SETD2: variants seen among roughly 807,000 people sequenced by gnomAD.
SETD2 encodes the protein histone-lysine N-methyltransferase SETD2.
Under a neutral mutation model 242.1 loss-of-function variants are expected in SETD2, and 31 were observed. The ratio of observed to expected loss-of-function variants is 0.13; its 90% confidence interval spans 0.10 to 0.17. SETD2 has a LOEUF of 0.17. Among genes scored for constraint, SETD2 ranks in the 10% least tolerant of loss-of-function variants. The pLI is 1.00. For missense variants in SETD2, 2,481 were observed against 3,046.3 expected (o/e 0.81, Z 4.37); for synonymous variants, 1,006 against 1,066.5 (o/e 0.94, Z 1.11).
chr3:47,068,364 A>G (rs1159365492), intron 12 of SETD2, among the ~76,000 whole-genome samples: 1 of 152,222 alleles, frequency 6.6e-6, no homozygotes, highest in African/African-American at 2.4e-5. Flanking sequence ...AGGGAAATCT[A>G]TATAAATGAA....
At chr3:47,147,706 G>A (rs534635758) in intron 1 of SETD2, among the ~76,000 whole-genome samples, 7 of 151,440 alleles carry the variant, frequency 4.6e-5, no homozygotes, top group Non-Finnish European at 1.0e-4. Flanking sequence ...GGCAGATTAC[G>A]GTCAGGAGAT....
At chr3:47,147,960 A>G (rs985164123) in intron 1 of SETD2, among the ~76,000 whole-genome samples, 1 of 151,062 alleles carries the variant, frequency 6.6e-6, no homozygotes, top group Non-Finnish European at 1.5e-5. Flanking sequence ...TTCAGCTCCT[A>G]TACTTTCTGC....
chr3:47,068,092 A>T (rs980613542), intron 12 of SETD2, among the ~76,000 whole-genome samples: 2 of 152,212 alleles, frequency 1.3e-5, no homozygotes, highest in African/African-American at 4.8e-5. Flanking sequence ...TCCATCGAGT[A>T]ACTATTGGGC....
intron 4 of SETD2, among the ~76,000 whole-genome samples, chr3:47,114,238 C>T (rs1164184325): frequency 6.6e-6 from 1 of 152,158 alleles, no homozygotes; most frequent in Non-Finnish European, 1.5e-5. Context: ...GCCTTGATAT[C>T]TGGTCATCAC....
intron 18 of SETD2, among the ~76,000 whole-genome samples, chr3:47,027,160 C>CCCATCTCT (rs1380887687): frequency 4.6e-5 from 7 of 151,526 alleles, no homozygotes; most frequent in African/African-American, 1.7e-4. Context: ...ACGGTGAAAC[C>CCCATCTCT]CCATCTCTAC....
Position 47,124,428 on chromosome 3 carries a change from G to A in SETD2, c.208C>T (p.Arg70Ter), listed in dbSNP as rs775039657. The A allele has an allele frequency of 6.4e-7, 1 of 1,551,954 alleles. No homozygotes were observed. Residue 70 changes from arginine (R) to a stop codon, truncating the protein, a stop_gained, in exon 3 of 21, where the codon CGA becomes TGA. Coordinates refer to ENST00000409792, the MANE Select transcript of SETD2 (RefSeq NM_014159.7). LOFTEE classifies it high-confidence loss of function. ...KTKVNLEEQG[R>*]QKVSFSFSLT... ...CTGAAGCTGAATGACACCTTCTGTC[G>A]TCCCTGTTCTTCCAAATTAACTTTT...
chr3:47,039,005 T>G (rs754628995), intron 17 of SETD2, among the ~76,000 whole-genome samples: 6 of 152,158 alleles, frequency 3.9e-5, no homozygotes, highest in Non-Finnish European at 7.3e-5. Context: ...TACATATATA[T>G]AGACTATTGT....
intron 12 of SETD2, among the ~76,000 whole-genome samples, chr3:47,083,035 C>T (rs1018351571): frequency 1.3e-5 from 2 of 152,226 alleles, no homozygotes; most frequent in African/African-American, 4.8e-5. Context: ...AAATGTACCA[C>T]ACCTCTCCTA....
intron 18 of SETD2, among the ~76,000 whole-genome samples, chr3:47,024,783 G>A (rs2038398103): frequency 6.6e-6 from 1 of 152,174 alleles, no homozygotes; most frequent in Admixed American, 6.5e-5. Context: ...TAAAAGCCAG[G>A]AGGCAGCAGT....
rs568520200 is a variant in SETD2 at position 47,031,378 on chromosome 3, C to T, written c.7350+6288G>A. Reference sequence around the variant, plus strand: ...TGACAGGGGGTATATGGAAACTCTCCGTACTTCCTGTTCAATTTTGCTATG... The same window carrying T: ...TGACAGGGGGTATATGGAAACTCTCTGTACTTCCTGTTCAATTTTGCTATG... On this transcript the variant is annotated intron_variant, in intron 18 of 20. Transcript: ENST00000409792. 3.9e-5 allele frequency among the ~76,000 whole-genome samples: 6 copies of T among 152,232 alleles called. No homozygotes were observed. In the South Asian group the frequency reaches 1.0e-3, roughly 26 times the overall value.
chr3:47,073,582 TTG>T (rs2040922046), intron 12 of SETD2, among the ~76,000 whole-genome samples: 1 of 152,166 alleles, frequency 6.6e-6, no homozygotes, highest in Non-Finnish European at 1.5e-5. Context: ...TGAAATAATT[TTG>T]TTTATGCTTT....
chr3:47,097,587 T>C (rs574869625), intron 9 of SETD2, among the ~76,000 whole-genome samples: 2 of 152,298 alleles, frequency 1.3e-5, no homozygotes, highest in Non-Finnish European at 2.9e-5. Context: ...TTTCAGAGAT[T>C]TGAAGAACAC....
At chr3:47,126,581 C>T (rs2043336293) in intron 2 of SETD2, 67 bp downstream of exon 2, 6 of 784,942 alleles carry the variant, frequency 7.6e-6, no homozygotes, top group Middle Eastern at 2.3e-4. Flanking sequence ...CAGCTTTTAC[C>T]CAATTTCTAA....
chr3:47,070,637 T>C (rs753184927), intron 12 of SETD2, among the ~76,000 whole-genome samples: 1 of 152,198 alleles, frequency 6.6e-6, no homozygotes, highest in Non-Finnish European at 1.5e-5. Context: ...GTCACATCCA[T>C]AGGCCACAGA....
chr3:47,052,008 T>G (rs1038750061), intron 15 of SETD2, among the ~76,000 whole-genome samples: 1 of 152,232 alleles, frequency 6.6e-6, no homozygotes, highest in Non-Finnish European at 1.5e-5. Context: ...TATCTACTTA[T>G]GTTAAAAGCC....
intron 12 of SETD2, among the ~76,000 whole-genome samples, chr3:47,067,805 G>A (rs989576928): frequency 6.6e-6 from 1 of 152,168 alleles, no homozygotes; most frequent in Non-Finnish European, 1.5e-5. Context: ...CAGAAAAATT[G>A]TATGTGTAAA....
chr3:47,048,561 AC>A (rs1403468562), intron 15 of SETD2, among the ~76,000 whole-genome samples: 4 of 151,182 alleles, frequency 2.6e-5, no homozygotes, highest in African/African-American at 7.4e-5. Flanking sequence ...AAGTTTATTA[AC>A]ATTTTTTTAA....
chr3:47,029,022 A>G, intron 18 of SETD2: 1 of 220,218 alleles, frequency 4.5e-6, no homozygotes, highest in South Asian at 5.8e-5. Flanking sequence ...TGTCACCAAC[A>G]AATGGTCCTA....
chr3:47,114,615 A>G (rs1240154972), intron 4 of SETD2, among the ~76,000 whole-genome samples: 1 of 152,214 alleles, frequency 6.6e-6, no homozygotes, highest in African/African-American at 2.4e-5. Flanking sequence ...ACGGTGATTC[A>G]TGCCTGTAAT....
Sources: gnomAD v4.1 joint callset for allele counts (sites outside exome capture counted in the v4.1 genomes callset) on GRCh38, gnomAD v4.1.1 for gene constraint, MANE v1.5 for transcripts, NCBI Gene and HGNC (gene_info 2026-07-23, HGNC 2026-07-21) for gene names.